The following SUN1 variants were observed in gnomAD, a reference collection of about 807,000 sequenced individuals.
The protein encoded by SUN1 is SUN domain-containing protein 1.
A neutral mutation model predicts 103.2 loss-of-function variants in SUN1; 61 were observed. The ratio of observed to expected loss-of-function variants is 0.59; its 90% CI spans 0.48 to 0.73. SUN1 has a LOEUF of 0.73. Ranked by LOEUF, SUN1 falls within the 30% of genes least tolerant of loss-of-function variation. The pLI is 0.00. For missense variants in SUN1, 1,052 were observed against 1,034.6 expected (o/e 1.02, Z -0.23); for synonymous variants, 490 against 425.7 (o/e 1.15, Z -1.86).
At chr7:861,720 A>G (rs914155059) in intron 15 of SUN1, among the ~76,000 whole-genome samples, 1 of 152,172 alleles carries the variant, frequency 6.6e-6, no homozygotes, top group Non-Finnish European at 1.5e-5. Flanking sequence ...CAGCACAGAA[A>G]GTGTGCTCGA....
chr7:849,594 G>A, intron 5 of SUN1: 2 of 1,456,576 alleles, frequency 1.4e-6, no homozygotes, highest in Non-Finnish European at 1.9e-6. Flanking sequence ...TGTAAATGGG[G>A]AAGCGCTGTG....
In SUN1 at chr7:873,273, G is replaced by A; in HGVS notation, c.2300G>A (p.Gly767Asp). 1.2e-6 allele frequency: 2 copies of A among 1,614,210 alleles called. No individual in the cohort carries two copies. The highest frequency in any genetic ancestry group is 1.7e-6 in the Non-Finnish European group (2 of 1,180,044). ...IVELRIFSNW[G>D]HPEYTCLYRF... ...GAACTTCGGATTTTTTCTAACTGGG[G>A]CCATCCTGAGTATACCTGTCTGTAT... The change falls in exon 19 of 19, where the codon GGC becomes GAC. Residue 767 changes from glycine (G) to aspartate (D), a missense_variant. Gly to Asp is a moderately conservative substitution (Grantham distance 94). Transcript: ENST00000401592.
Position 869,629 on chromosome 7 carries a change from CT to C in SUN1, c.2148+114del. The C allele has an allele frequency of 2.3e-6, 3 of 1,289,162 alleles. No homozygotes were observed. The South Asian group carries it at 4.3e-5, about 19-fold the overall frequency. 79.9% of individuals were successfully genotyped at this position (1,289,162 alleles called of 1,614,324 possible). On this transcript the variant is annotated intron_variant, in intron 17 of 18. Transcript: ENST00000401592. ...GGCTGCCTCCCGCTGCCCCTCCGCC[CT>C]CTCTCAGATTCGGTGTTGAGGGGAA...
intron 9 of SUN1, 62 bp downstream of exon 9, chr7:853,014 A>G: frequency 6.5e-7 from 1 of 1,545,390 alleles, no homozygotes; most frequent in Non-Finnish European, 8.7e-7. Flanking sequence ...GGGACGTTCC[A>G]CACTGCTGTG....
At chr7:837,833 C>T (rs138229981) in intron 1 of SUN1, among the ~76,000 whole-genome samples, 1 of 152,320 alleles carries the variant, frequency 6.6e-6, no homozygotes, top group African/African-American at 2.4e-5. Context: ...TGGCTGGGTT[C>T]ACAGGTTTTC....
chr7:867,532 C>T (rs1044550416), intron 16 of SUN1, among the ~76,000 whole-genome samples: 9 of 152,126 alleles, frequency 5.9e-5, no homozygotes, highest in Admixed American at 5.9e-4. Context: ...GTGGTGAGAG[C>T]ACAGCATGGC....
intron 3 of SUN1, chr7:842,948 G>A (rs1388597406): frequency 3.3e-6 from 2 of 599,816 alleles, no homozygotes; most frequent in African/African-American, 1.9e-5. Flanking sequence ...CTTCCCTCAT[G>A]TTCTGCTTTC....
intron 4 of SUN1, 38 bp from the exon 5 acceptor site, chr7:843,303 G>A (rs1812007174): frequency 1.2e-6 from 2 of 1,604,940 alleles, no homozygotes; most frequent in Non-Finnish European, 1.7e-6. Context: ...TCTGCAGACT[G>A]TGATAAACAG....
chr7:854,775 G>A lies in SUN1; in HGVS notation c.1264-145G>A, dbSNP rs979808620. 29 of 566,066 alleles carry A rather than the reference G, an allele frequency of 5.1e-5. 1 individual carries two copies. The highest frequency in any genetic ancestry group is 7.3e-5 in the Non-Finnish European group (23 of 316,612). 35.1% of individuals were successfully genotyped at this position (566,066 alleles called of 1,614,324 possible). A position where few individuals can be genotyped will look rare whatever the true frequency, so the allele number is the denominator to read the frequency against. ...TGAAATAAGGATATTGTTATGAAGC[G>A]GATTATTCCTTTAGGGTCCGTGCCA... On this transcript the variant is annotated intron_variant, in intron 10 of 18. Transcript: ENST00000401592.
intron 14 of SUN1, among the ~76,000 whole-genome samples, chr7:860,939 TC>T (rs1160690389): frequency 1.1e-4 from 17 of 151,982 alleles, no homozygotes; most frequent in African/African-American, 3.6e-4. Context: ...TGACTCAGTT[TC>T]CCCCACCCGC....
intron 11 of SUN1, among the ~76,000 whole-genome samples, chr7:855,931 T>C (rs543924196): frequency 6.6e-6 from 1 of 152,278 alleles, no homozygotes; most frequent in East Asian, 1.9e-4. Context: ...GGCCGGGCTG[T>C]GGAGACCTCC....
chr7:857,732 A>C (rs1828798220), intron 12 of SUN1, 96 bp from the exon 13 acceptor site: 17 of 1,413,710 alleles, frequency 1.2e-5, no homozygotes, highest in Non-Finnish European at 1.6e-5. Flanking sequence ...TGTGACACCC[A>C]GGAGTGGGAT....
At chr7:818,070 A>C (rs1455391794) in intron 1 of SUN1, among the ~76,000 whole-genome samples, 1 of 152,018 alleles carries the variant, frequency 6.6e-6, no homozygotes, top group Non-Finnish European at 1.5e-5. Context: ...CCTCTCATTC[A>C]CCTGCTTTTT....
At chr7:819,555 G>T (rs993834630) in intron 1 of SUN1, among the ~76,000 whole-genome samples, 4 of 152,178 alleles carry the variant, frequency 2.6e-5, no homozygotes, top group African/African-American at 7.2e-5. Context: ...TCTTTTGCAC[G>T]TGGATTTTGT....
chr7:822,448 G>A (rs1787129563), intron 1 of SUN1, among the ~76,000 whole-genome samples: 1 of 152,210 alleles, frequency 6.6e-6, no homozygotes, highest in Non-Finnish European at 1.5e-5. Context: ...ATCACATCCA[G>A]GTGCCGGGTT....
intron 5 of SUN1, chr7:850,767 T>TAAAAAAAAAAA (rs771076592): frequency 1.6e-5 from 2 of 125,598 alleles, no homozygotes; most frequent in Non-Finnish European, 3.3e-5. Context: ...TCTCTTAAAT[T>TAAAAAAAAAAA]AAAAAAAAAA....
In SUN1 at chr7:834,639, C is replaced by T. The variant is rs115949153; in HGVS notation, c.77+2038C>T. Among the ~76,000 whole-genome samples the T allele has an allele frequency of 2.1e-3, 325 of 152,346 alleles. 1 individual carries two copies. Among genetic ancestry groups the T allele is most frequent in the African/African-American group, 7.1e-3 (295 of 41,574 alleles). On this transcript the variant is annotated intron_variant, in intron 1 of 18. Coordinates refer to ENST00000401592, the MANE Select transcript of SUN1 (RefSeq NM_001130965.3). ...AGTTCCCCTTGTCTTGCAGCCCTCC[C>T]CGCACAGCTGGAAGGTGGAGCGGCC...
At chr7:825,094 G>T (rs527433988) in intron 1 of SUN1, among the ~76,000 whole-genome samples, 41 of 151,528 alleles carry the variant, frequency 2.7e-4, no homozygotes, top group Middle Eastern at 3.4e-3. Flanking sequence ...AGTCTTGCTC[G>T]GTCACCCAGG....
chr7:868,330 C>G, intron 16 of SUN1: 1 of 215,394 alleles, frequency 4.6e-6, no homozygotes, highest in South Asian at 6.2e-5. Flanking sequence ...CTGCCCTGCA[C>G]CTGGAGGTGG....
Sources: gnomAD v4.1 joint callset for allele counts (sites outside exome capture counted in the v4.1 genomes callset) on GRCh38, gnomAD v4.1.1 for gene constraint, MANE v1.5 for transcripts, NCBI Gene and HGNC (gene_info 2026-07-23, HGNC 2026-07-21) for gene names.